The following BIN1 variants were observed in gnomAD, a reference collection of about 807,000 sequenced individuals.
BIN1 encodes the protein bridging integrator 1, also known as myc box-dependent-interacting protein 1.
In BIN1, 53 loss-of-function variants were observed where a neutral mutation model predicts 82.0. That is an observed-to-expected ratio of 0.65 (90% CI 0.52 to 0.81). BIN1 has a LOEUF of 0.81. Among genes scored for constraint, BIN1 ranks in the 40% least tolerant of loss-of-function variants. BIN1 has a pLI of 0.00. For synonymous variants in BIN1, 302 were observed against 328.0 expected (o/e 0.92, Z 0.86); for missense variants, 642 against 784.4 (o/e 0.82, Z 2.17).
chr2:127,048,208 G>C lies in BIN1; in HGVS notation c.*318C>G. On this transcript the variant is annotated 3_prime_UTR_variant, in exon 19 of 19. Transcript: ENST00000316724. The stretch of plus-strand genomic sequence containing the variant: ...CCCGGGTGGCGCGGCCGAAGCTTCA[G>C]GCAAGCATGGTGGCTCGGCAGCCCC... 1 of 408,978 alleles carries C rather than the reference G, an allele frequency of 2.4e-6. No homozygotes were observed. The allele number at this position is 408,978 out of a possible 1,614,324, so 25.3% of individuals were successfully genotyped here.
rs144391901 is a variant in BIN1 at position 127,060,618 on chromosome 2, G to A, written c.858-1463C>T. 5.1e-5 allele frequency: 82 copies of A among 1,614,086 alleles called. No homozygotes were observed. The Admixed American group carries it at 1.0e-3, about 21-fold the overall frequency. On this transcript the variant is annotated intron_variant, in intron 10 of 18. Transcript: ENST00000316724. ...TACCTGTTCTTCTTTCTGCGCAGCCGCGAAAACAGTTTACTTTTCTTTCTG... is the reference window on the plus strand; with the variant it reads ...TACCTGTTCTTCTTTCTGCGCAGCCACGAAAACAGTTTACTTTTCTTTCTG...
intron 1 of BIN1, among the ~76,000 whole-genome samples, chr2:127,080,840 C>T (rs367735135): frequency 8.5e-4 from 130 of 152,342 alleles, no homozygotes; most frequent in South Asian, 8.5e-3. Context: ...CTCCTGCAAT[C>T]ATCCACAGGG....
intron 11 of BIN1, among the ~76,000 whole-genome samples, chr2:127,058,368 G>A (rs941645380): frequency 1.3e-5 from 2 of 152,176 alleles, no homozygotes; most frequent in Non-Finnish European, 2.9e-5. Flanking sequence ...AGCAGAGCAG[G>A]GCGGCAGCAG....
intron 17 of BIN1, 105 bp downstream of exon 17, chr2:127,050,697 C>T (rs983554366): frequency 3.6e-6 from 5 of 1,397,886 alleles, no homozygotes; most frequent in Non-Finnish European, 5.1e-6. Flanking sequence ...GACCTAGTAG[C>T]GCCTGCACAA....
chr2:127,062,763 G>A (rs1444358814), intron 9 of BIN1, among the ~76,000 whole-genome samples: 1 of 152,172 alleles, frequency 6.6e-6, no homozygotes, highest in East Asian at 1.9e-4. Flanking sequence ...TTATATAAAT[G>A]TTCCTTCTCT....
rs1352382537 is a variant in BIN1 at position 127,082,351 on chromosome 2, G to A, written c.85-5645C>T. On this transcript the variant is annotated intron_variant, in intron 1 of 18. Transcript: ENST00000316724. This position sits in a 1 kb window ranked among gnomAD's most constrained non-coding sequence, Gnocchi z 6.1. Reference sequence around the variant, plus strand: ...TCCAGGGGCCCCTGCAGGGGAGACAGAGGGCAGGATGGCCAGCTGAAGGCC... The same window carrying A: ...TCCAGGGGCCCCTGCAGGGGAGACAAAGGGCAGGATGGCCAGCTGAAGGCC... 1.3e-5 allele frequency among the ~76,000 whole-genome samples: 2 copies of A among 152,224 alleles called. No homozygotes were observed. Among genetic ancestry groups the A allele is most frequent in the African/African-American group, 4.8e-5 (2 of 41,462 alleles).
chr2:127,106,133 G>A (rs976084245), intron 1 of BIN1, among the ~76,000 whole-genome samples: 2 of 152,214 alleles, frequency 1.3e-5, no homozygotes, highest in African/African-American at 2.4e-5. Context: ...TCCCCACCCG[G>A]CCGTGGGCTC....
chr2:127,077,943 G>A (rs1330907653), intron 1 of BIN1, among the ~76,000 whole-genome samples: 2 of 152,212 alleles, frequency 1.3e-5, no homozygotes, highest in Non-Finnish European at 2.9e-5. Context: ...AAAAAGGTGG[G>A]CCCAGGAGCG....
chr2:127,054,999 C>T lies in BIN1; in HGVS notation c.1132-987G>A, dbSNP rs542111581. On this transcript the variant is annotated intron_variant, in intron 12 of 18. Coordinates refer to ENST00000316724, the MANE Select transcript of BIN1 (RefSeq NM_139343.3). ...TGCGGTCTCCATCTTGTACCTGGGG[C>T]TTCCCTTTGGGGGCCAGAGAGAACT... The T allele has an allele frequency of 4.6e-5, 7 of 152,450 alleles. No homozygotes were observed. In the South Asian group the frequency reaches 1.4e-3, roughly 32 times the overall value. The allele number at this position is 152,450 out of a possible 1,614,324, so 9.4% of individuals were successfully genotyped here.
intron 1 of BIN1, among the ~76,000 whole-genome samples, chr2:127,104,812 C>T (rs559345984): frequency 6.6e-6 from 1 of 152,300 alleles, no homozygotes; most frequent in South Asian, 2.1e-4. Flanking sequence ...GCAGGGCCTG[C>T]AACCCAAAGG....
rs2228955 is a variant in BIN1 at position 127,059,119 on chromosome 2, C to T, written c.894G>A (p.Ser298=). 57,543 of 1,591,624 alleles carry T rather than the reference C, an allele frequency of 0.036. 2,541 individuals are homozygous for T. The highest frequency in any genetic ancestry group is 0.16 in the Admixed American group (9,031 of 56,492). The part of the protein sequence containing the change: ...NAPAKGNKSP[S]PPDGSPAATP... ...TGGCGGCAGGGGAGCCATCTGGAGGCGAAGGGCTCTTGTTCCCTTTTGCAG... is the reference window on the plus strand; with the variant it reads ...TGGCGGCAGGGGAGCCATCTGGAGGTGAAGGGCTCTTGTTCCCTTTTGCAG... The change falls in exon 11 of 19, where the codon TCG becomes TCA. Residue 298 remains serine (S), a synonymous_variant. Transcript: ENST00000316724. This position sits in a 1 kb window ranked among gnomAD's most constrained non-coding sequence, Gnocchi z 6.7.
At chr2:127,098,353 C>G (rs1333305569) in intron 1 of BIN1, among the ~76,000 whole-genome samples, 4 of 152,166 alleles carry the variant, frequency 2.6e-5, no homozygotes, top group African/African-American at 9.7e-5. Flanking sequence ...CAGCCACCCA[C>G]TCACTCCCCG....
chr2:127,059,993 C>T lies in BIN1; in HGVS notation c.858-838G>A, dbSNP rs551022363. On this transcript the variant is annotated intron_variant, in intron 10 of 18. Transcript: ENST00000316724. This position sits in a 1 kb window ranked among gnomAD's most constrained non-coding sequence, Gnocchi z 6.7. ...TACGTGTAATTCAAATGAAAAGTTC[C>T]GCTGCCCGGTCACACTGGCCAGTTT... 6.5e-4 allele frequency among the ~76,000 whole-genome samples: 99 copies of T among 152,240 alleles called. No homozygotes were observed. The highest frequency in any genetic ancestry group is 1.1e-3 in the Non-Finnish European group (76 of 68,018).
chr2:127,071,629 G>C (rs1033604694), intron 2 of BIN1, among the ~76,000 whole-genome samples: 3 of 152,180 alleles, frequency 2.0e-5, no homozygotes, highest in Non-Finnish European at 4.4e-5. Context: ...CAGGTTCCAG[G>C]AGGGGTGAAC....
Position 127,085,465 on chromosome 2 carries a change from C to T in BIN1, c.85-8759G>A, listed in dbSNP as rs111394466. Among the ~76,000 whole-genome samples, 339 of 152,304 alleles carry T rather than the reference C, an allele frequency of 2.2e-3. 1 individual carries two copies. The highest frequency in any genetic ancestry group is 3.4e-3 in the Middle Eastern group (1 of 294). On this transcript the variant is annotated intron_variant, in intron 1 of 18. Coordinates refer to ENST00000316724, the MANE Select transcript of BIN1 (RefSeq NM_139343.3). The stretch of plus-strand genomic sequence containing the variant: ...AGCAAGCACCTCCAGTGTGAGATGA[C>T]GCCCACACACGCTCACACACACCCT...
At chr2:127,049,481 C>T (rs1682602488) in intron 18 of BIN1, among the ~76,000 whole-genome samples, 1 of 152,236 alleles carries the variant, frequency 6.6e-6, no homozygotes, top group South Asian at 2.1e-4. Flanking sequence ...CCCAGGACCC[C>T]CAGTAGGGTC....
At chr2:127,064,117 G>T in intron 7 of BIN1, 99 bp from the exon 8 acceptor site, 1 of 1,406,260 alleles carries the variant, frequency 7.1e-7, no homozygotes, top group Non-Finnish European at 1.0e-6. Flanking sequence ...CTTGGCCAGT[G>T]CGCTGGGACC....
intron 1 of BIN1, among the ~76,000 whole-genome samples, chr2:127,085,936 G>A (rs905194915): frequency 2.6e-5 from 4 of 152,176 alleles, no homozygotes; most frequent in African/African-American, 4.8e-5. Context: ...CTTCAGAGGG[G>A]ACTCCCTCCC....
intron 1 of BIN1, among the ~76,000 whole-genome samples, chr2:127,078,093 T>C (rs1686846290): frequency 6.6e-6 from 1 of 152,070 alleles, no homozygotes; most frequent in Non-Finnish European, 1.5e-5. Context: ...CAGGCCACGG[T>C]CCTGGACCAA....
Sources: gnomAD v4.1 joint callset for allele counts (sites outside exome capture counted in the v4.1 genomes callset) on GRCh38, gnomAD v4.1.1 for gene constraint, Gnocchi (gnomAD v3.1) non-coding constraint, MANE v1.5 for transcripts, NCBI Gene and HGNC (gene_info 2026-07-23, HGNC 2026-07-21) for gene names.